The following COMMD1 variants were observed in gnomAD, a reference collection of about 807,000 sequenced individuals.
COMMD1 encodes COMM domain-containing protein 1.
Under a neutral mutation model 17.2 loss-of-function variants are expected in COMMD1, and 10 were observed. The ratio of observed to expected loss-of-function variants is 0.58; its 90% confidence interval spans 0.36 to 0.99. The LOEUF is 0.99. COMMD1 is among the 50% of genes least tolerant of loss of function. The pLI is 0.01. For missense variants in COMMD1, 270 were observed against 231.8 expected (o/e 1.17, Z -1.07); for synonymous variants, 97 against 91.6 (o/e 1.06, Z -0.34).
intron 2 of COMMD1, among the ~76,000 whole-genome samples, chr2:62,003,784 A>G (rs1464048983): frequency 2.6e-5 from 4 of 152,232 alleles, no homozygotes; most frequent in East Asian, 3.8e-4. Context: ...ATATGAAAAC[A>G]TAATCTGTTT....
chr2:62,005,673 A>G (rs1322810902), intron 2 of COMMD1, among the ~76,000 whole-genome samples: 5 of 152,180 alleles, frequency 3.3e-5, no homozygotes, highest in Non-Finnish European at 4.4e-5. Context: ...TAGAATGGCA[A>G]TCATTAAAAA....
At chr2:62,078,739 T>C (rs935977059) in intron 2 of COMMD1, among the ~76,000 whole-genome samples, 2 of 150,906 alleles carry the variant, frequency 1.3e-5, no homozygotes, top group Non-Finnish European at 3.0e-5. Context: ...TAGCCGGGCA[T>C]GGTGGCACAT....
intron 2 of COMMD1, chr2:62,055,452 C>T (rs879190296): frequency 2.0e-5 from 9 of 456,000 alleles, no homozygotes; most frequent in South Asian, 6.2e-5. Context: ...TCATTGCAAC[C>T]AGTGATTCAC....
At chr2:62,087,764 C>T (rs1010739544) in intron 2 of COMMD1, among the ~76,000 whole-genome samples, 1 of 152,086 alleles carries the variant, frequency 6.6e-6, no homozygotes, top group Admixed American at 6.5e-5. Context: ...CAACAAAAAC[C>T]TTGATAAATT....
intron 1 of COMMD1, among the ~76,000 whole-genome samples, chr2:61,973,875 A>G (rs1255038873): frequency 6.6e-6 from 1 of 152,242 alleles, no homozygotes; most frequent in African/African-American, 2.4e-5. Flanking sequence ...CACACCTGTC[A>G]TCCCATCATC....
chr2:61,958,396 A>G (rs1174469594), intron 1 of COMMD1, among the ~76,000 whole-genome samples: 1 of 151,724 alleles, frequency 6.6e-6, no homozygotes, highest in African/African-American at 2.4e-5. Flanking sequence ...CCTCCCGAGT[A>G]GCTGGGATTA....
At chr2:62,038,006 A>G (rs1374078699) in intron 2 of COMMD1, among the ~76,000 whole-genome samples, 1 of 152,174 alleles carries the variant, frequency 6.6e-6, no homozygotes, top group Non-Finnish European at 1.5e-5. Flanking sequence ...CTGGTGAATC[A>G]GTCTGGGCAT....
chr2:62,093,306 G>C (rs927430631), intron 2 of COMMD1, among the ~76,000 whole-genome samples: 1 of 152,146 alleles, frequency 6.6e-6, no homozygotes, highest in African/African-American at 2.4e-5. Context: ...GGCTTGCTAG[G>C]GTTAGGTTTT....
chr2:61,987,235 G>A (rs191118489), intron 1 of COMMD1, among the ~76,000 whole-genome samples: 45 of 152,222 alleles, frequency 3.0e-4, no homozygotes, highest in Non-Finnish European at 5.4e-4. Context: ...GGATGGTCTC[G>A]ATGCTTGTGG....
intron 2 of COMMD1, among the ~76,000 whole-genome samples, chr2:62,113,487 G>A (rs1252289471): frequency 1.3e-5 from 2 of 152,118 alleles, no homozygotes; most frequent in Non-Finnish European, 2.9e-5. Context: ...AGGTTCAAGC[G>A]ATTCCCCTGC....
chr2:61,891,621 G>C (rs558515340), intron 1 of COMMD1, among the ~76,000 whole-genome samples: 2 of 151,534 alleles, frequency 1.3e-5, no homozygotes, highest in African/African-American at 4.8e-5. Flanking sequence ...CCAGCTGTTC[G>C]GGAGGCTGAG....
chr2:61,977,709 C>T (rs1052377096), intron 1 of COMMD1, among the ~76,000 whole-genome samples: 3 of 151,436 alleles, frequency 2.0e-5, no homozygotes, highest in African/African-American at 4.9e-5. Flanking sequence ...ACATTGGGCC[C>T]AGTGTGGTGG....
chr2:61,968,586 A>G (rs1251484367), intron 1 of COMMD1, among the ~76,000 whole-genome samples: 1 of 152,044 alleles, frequency 6.6e-6, no homozygotes, highest in Non-Finnish European at 1.5e-5. Context: ...GAGGGAGGGT[A>G]TCACTCTGTT....
chr2:62,006,575 A>C (rs1312071496), intron 2 of COMMD1, among the ~76,000 whole-genome samples: 3 of 152,172 alleles, frequency 2.0e-5, no homozygotes, highest in African/African-American at 7.2e-5. Context: ...ATTTTGCAAA[A>C]ATAAAACATG....
intron 1 of COMMD1, among the ~76,000 whole-genome samples, chr2:61,970,172 C>T (rs1272517130): frequency 6.6e-6 from 1 of 151,308 alleles, no homozygotes; most frequent in East Asian, 1.9e-4. Flanking sequence ...GCAGGGGAAT[C>T]GCTTGAACCT....
At chr2:61,944,982 G>A (rs370787622) in intron 1 of COMMD1, among the ~76,000 whole-genome samples, 5 of 152,096 alleles carry the variant, frequency 3.3e-5, no homozygotes, top group African/African-American at 7.2e-5. Flanking sequence ...TAGCCAATTC[G>A]GAGGCCTTGT....
chr2:62,006,007 A>G (rs1669101995), intron 2 of COMMD1, among the ~76,000 whole-genome samples: 1 of 152,006 alleles, frequency 6.6e-6, no homozygotes, highest in African/African-American at 2.4e-5. Flanking sequence ...ACGGAATACT[A>G]TGCAGCCATA....
intron 1 of COMMD1, among the ~76,000 whole-genome samples, chr2:61,890,507 A>G (rs1669402191): frequency 6.6e-6 from 1 of 151,986 alleles, no homozygotes; most frequent in Non-Finnish European, 1.5e-5. Context: ...GCTTGGCGAG[A>G]GCCACCTCGC....
chr2:62,054,300 A>G (rs1670626136), intron 2 of COMMD1, among the ~76,000 whole-genome samples: 1 of 152,180 alleles, frequency 6.6e-6, no homozygotes, highest in African/African-American at 2.4e-5. Flanking sequence ...ATCTCAAAGA[A>G]CTAAAAATGG....
Sources: gnomAD v4.1 joint callset for allele counts (sites outside exome capture counted in the v4.1 genomes callset) on GRCh38, gnomAD v4.1.1 for gene constraint, MANE v1.5 for transcripts, NCBI Gene and HGNC (gene_info 2026-07-23, HGNC 2026-07-21) for gene names.